The following DGKK variants were observed in gnomAD, a reference collection of about 807,000 sequenced individuals.
DGKK encodes the protein 142 kDa diacylglycerol kinase.
Under a neutral mutation model 92.2 loss-of-function variants are expected in DGKK, and 35 were observed. That is an observed-to-expected ratio of 0.38 (90% CI 0.29 to 0.50). The LOEUF (loss-of-function observed/expected upper bound fraction) is 0.50, where lower values mean the gene tolerates loss of function less well. Among genes scored for constraint, DGKK ranks in the 20% least tolerant of loss-of-function variants. The pLI is 0.92. For synonymous variants in DGKK, 368 were observed against 360.6 expected, an observed-to-expected ratio of 1.02 and a Z score of -0.23; for missense variants, 910 against 992.2, an observed-to-expected ratio of 0.92 and a Z score of 1.11.
intron 18 of DGKK, among the ~76,000 whole-genome samples, chrX:50,380,490 G>A (rs1484580720): frequency 2.7e-5 from 3 of 111,285 alleles, no homozygotes; most frequent in Non-Finnish European, 5.6e-5. Flanking sequence ...GACTCTTAGA[G>A]TGCAATTTTT....
chrX:50,417,880 T>C (rs1370718632), intron 4 of DGKK, among the ~76,000 whole-genome samples: 1 of 111,391 alleles, frequency 9.0e-6, no homozygotes, highest in Non-Finnish European at 1.9e-5. Context: ...TATCCTGGCA[T>C]TGAAAAATCT....
chrX:50,369,030 A>G lies in DGKK; in HGVS notation c.3737-11T>C. ...GGTGCCATAAATTGCCTTCAGAGGA[A>G]AAAAAATGGTATAGAAATAATGAGG... is the stretch of plus-strand genomic sequence containing the variant. On this transcript the variant is annotated splice_polypyrimidine_tract_variant and intron_variant, in intron 27 of 27. Transcript: ENST00000611977. 1 of 1,188,818 alleles carries G rather than the reference A, an allele frequency of 8.4e-7. No individual in the cohort carries two copies. The highest frequency in any genetic ancestry group is 3.0e-5 in the East Asian group (1 of 33,660).
intron 1 of DGKK, among the ~76,000 whole-genome samples, chrX:50,440,091 C>T (rs1045383196): frequency 9.0e-6 from 1 of 111,451 alleles, no homozygotes; most frequent in Non-Finnish European, 1.9e-5. Context: ...AAACATCGAG[C>T]CAATTTTTGA....
intron 25 of DGKK, among the ~76,000 whole-genome samples, chrX:50,374,262 G>A (rs1924214039): frequency 8.9e-6 from 1 of 111,752 alleles, no homozygotes; most frequent in Non-Finnish European, 1.9e-5. Flanking sequence ...TGAAGACAGA[G>A]AAACACAGAG....
intron 1 of DGKK, among the ~76,000 whole-genome samples, chrX:50,439,291 T>G (rs1291749803): frequency 9.4e-6 from 1 of 105,875 alleles, no homozygotes; most frequent in African/African-American, 3.4e-5. Context: ...GAGTGTAGAT[T>G]TGGACTCAGA....
chrX:50,451,514 C>T (rs1392834086), intron 1 of DGKK, among the ~76,000 whole-genome samples: 2 of 110,893 alleles, frequency 1.8e-5, no homozygotes, highest in Admixed American at 1.9e-4. Flanking sequence ...TCTATGCACA[C>T]TGGAAATTAT....
chrX:50,377,715 T>G (rs1207718567), intron 22 of DGKK, among the ~76,000 whole-genome samples: 1 of 112,399 alleles, frequency 8.9e-6, no homozygotes, highest in Non-Finnish European at 1.9e-5. Flanking sequence ...AATCTGTTGC[T>G]GAAGGAGAAG....
At chrX:50,400,662 A>T (rs985012799) in intron 8 of DGKK, among the ~76,000 whole-genome samples, 11 of 112,040 alleles carry the variant, frequency 9.8e-5, no homozygotes, top group African/African-American at 3.2e-4. Context: ...TAGGAACAAC[A>T]TTGGTGTTTG....
intron 4 of DGKK, among the ~76,000 whole-genome samples, chrX:50,411,078 C>T (rs1307562635): frequency 9.0e-6 from 1 of 111,065 alleles, no homozygotes; most frequent in African/African-American, 3.3e-5. Context: ...GGCTTGAATC[C>T]CTAGCTAGCT....
intron 2 of DGKK, among the ~76,000 whole-genome samples, chrX:50,423,218 G>T (rs782267495): frequency 8.9e-6 from 1 of 112,127 alleles, no homozygotes; most frequent in South Asian, 3.7e-4. Context: ...GGAGATAGGC[G>T]CATTATACAT....
intron 4 of DGKK, 103 bp from the exon 5 acceptor site, chrX:50,404,287 GGTGTCAGAGCGT>G: frequency 1.1e-6 from 1 of 912,958 alleles, no homozygotes; most frequent in Non-Finnish European, 1.5e-6. Flanking sequence ...CTGCTGTATA[GGTGTCAGAGCGT>G]GTGAAGGGGA....
At chrX:50,464,432 C>G (rs1354794133) in intron 1 of DGKK, among the ~76,000 whole-genome samples, 6 of 110,125 alleles carry the variant, frequency 5.4e-5, no homozygotes, top group African/African-American at 2.0e-4. Context: ...TTGGTATAGT[C>G]AGGGACCTAT....
intron 1 of DGKK, among the ~76,000 whole-genome samples, chrX:50,438,117 GC>G: frequency 9.1e-6 from 1 of 110,089 alleles, no homozygotes; most frequent in Non-Finnish European, 1.9e-5. Flanking sequence ...AAGGGAAGGA[GC>G]AAGGGAGATG....
At chrX:50,381,986 A>T (rs1302860339) in intron 18 of DGKK, among the ~76,000 whole-genome samples, 1 of 111,621 alleles carries the variant, frequency 9.0e-6, no homozygotes, top group African/African-American at 3.3e-5. Flanking sequence ...GAACTCTGAG[A>T]CTGACTTAGG....
intron 23 of DGKK, 67 bp downstream of exon 23, chrX:50,376,691 C>A: frequency 9.6e-7 from 1 of 1,043,397 alleles, no homozygotes; most frequent in Non-Finnish European, 1.3e-6. Context: ...CCAATAGACA[C>A]AAATTGGCTT....
At chrX:50,397,721 C>A (rs1197193327) in intron 8 of DGKK, among the ~76,000 whole-genome samples, 1 of 112,058 alleles carries the variant, frequency 8.9e-6, no homozygotes, top group Admixed American at 9.5e-5. Context: ...CAGCATTGAG[C>A]CTTACATACA....
chrX:50,403,305 C>T lies in DGKK; in HGVS notation c.1186-122G>A, dbSNP rs145114541. 7.2e-4 allele frequency: 666 copies of T among 929,346 alleles called. 8 individuals are homozygous for T. The East Asian group carries it at 0.022, about 31-fold the overall frequency. The allele number at this position is 929,346 out of a possible 1,213,427, so 76.6% of individuals were successfully genotyped here. A position where few individuals can be genotyped will look rare whatever the true frequency, so the allele number is the denominator to read the frequency against. ...GGTAAATGACCCAAATGACCCTGCC[C>T]TCCCTACTCCAATGCAAGTGAACAA... On this transcript the variant is annotated intron_variant, in intron 6 of 27. Coordinates refer to ENST00000611977, the MANE Select transcript of DGKK (RefSeq NM_001013742.4).
intron 26 of DGKK, among the ~76,000 whole-genome samples, chrX:50,371,146 T>C (rs1272004636): frequency 8.9e-6 from 1 of 112,701 alleles, no homozygotes; most frequent in African/African-American, 3.2e-5. Context: ...TAATTCCAGC[T>C]TAGGCCTGCT....
At chrX:50,386,004 G>T (rs782318989) in intron 15 of DGKK, among the ~76,000 whole-genome samples, 1 of 111,794 alleles carries the variant, frequency 8.9e-6, no homozygotes, top group Non-Finnish European at 1.9e-5. Context: ...TGGTTGGAAA[G>T]AAACAGGAGA....
Sources: allele counts gnomAD v4.1 joint callset (sites outside exome capture counted in the v4.1 genomes callset), GRCh38; gene constraint gnomAD v4.1.1; transcripts MANE v1.5; gene names NCBI Gene and HGNC (gene_info 2026-07-23, HGNC 2026-07-21).